Variants in PCDHA3 observed in about 807,000 individuals in gnomAD.
PCDHA3 encodes protocadherin alpha-3.
A neutral mutation model predicts 62.2 loss-of-function variants in PCDHA3; 41 were observed. The observed-to-expected ratio is 0.66, with a 90% CI of 0.51 to 0.86. PCDHA3 has a LOEUF of 0.86. Ranked by LOEUF, PCDHA3 falls within the 40% of genes least tolerant of loss-of-function variation. PCDHA3 has a pLI of 0.00. For synonymous variants in PCDHA3, 640 were observed against 555.4 expected (o/e 1.15, Z -2.14); for missense variants, 1,304 against 1,241.2 (o/e 1.05, Z -0.76).
intron 1 of PCDHA3, among the ~76,000 whole-genome samples, chr5:140,961,220 G>T (rs2095597952): frequency 6.6e-6 from 1 of 152,032 alleles, no homozygotes; most frequent in Non-Finnish European, 1.5e-5. Flanking sequence ...GAAGAAACTG[G>T]GTCCCAAAAA....
At chr5:140,816,910 T>C (rs1766023355) in intron 1 of PCDHA3, 1 of 152,134 alleles carries the variant, frequency 6.6e-6, no homozygotes. Context: ...AGCCCTCAGT[T>C]ATAGATTCTG....
intron 1 of PCDHA3, chr5:140,843,314 G>A (rs2150357213): frequency 6.3e-7 from 1 of 1,596,084 alleles, no homozygotes; most frequent in South Asian, 1.1e-5. Flanking sequence ...CACGGCCACG[G>A]TTCTGGTGTC....
rs1207415477 is a variant in PCDHA3 at position 140,980,276 on chromosome 5, T to C, written c.2453+1269T>C. 1.3e-5 allele frequency among the ~76,000 whole-genome samples: 2 copies of C among 152,224 alleles called. 1 individual carries two copies. The highest frequency in any genetic ancestry group is 2.9e-5 in the Non-Finnish European group (2 of 68,040). On this transcript the variant is annotated intron_variant, in intron 2 of 3. Transcript: ENST00000522353. ...AAAGCATGGTTTACAGTACCAACTC[T>C]TGAAAAGTACCAAAGCTATGAGTTG... is the stretch of plus-strand genomic sequence containing the variant.
chr5:140,831,301 T>C (rs2150193400), intron 1 of PCDHA3: 1 of 152,322 alleles, frequency 6.6e-6, no homozygotes, highest in African/African-American at 2.4e-5. Context: ...TCTAAATCTA[T>C]TTCTTTGTAT....
At chr5:140,821,662 C>A in intron 1 of PCDHA3, 2 of 1,220,782 alleles carry the variant, frequency 1.6e-6, no homozygotes, top group Non-Finnish European at 2.3e-6. Context: ...TTGGCTGTGC[C>A]AAGAAGCTCA....
chr5:140,968,768 C>T, intron 1 of PCDHA3: 1 of 1,614,174 alleles, frequency 6.2e-7, no homozygotes, highest in South Asian at 1.1e-5. Flanking sequence ...TAATGGAGAG[C>T]CATCACTATC....
At chr5:140,938,536 G>T (rs1443736475) in intron 1 of PCDHA3, among the ~76,000 whole-genome samples, 2 of 140,060 alleles carry the variant, frequency 1.4e-5, no homozygotes, top group Non-Finnish European at 3.2e-5. Context: ...TGGATAATAT[G>T]GATTTTTATC....
At chr5:140,992,708 C>T (rs2097525816) in intron 3 of PCDHA3, among the ~76,000 whole-genome samples, 1 of 152,100 alleles carries the variant, frequency 6.6e-6, no homozygotes, top group African/African-American at 2.4e-5. Context: ...ATGTTCCTGC[C>T]AGTATTCGTA....
Position 140,801,770 on chromosome 5 carries a change from C to T in PCDHA3, c.573C>T (p.Ser191=), listed in dbSNP as rs1554121681. 2 of 1,613,886 alleles carry T rather than the reference C, an allele frequency of 1.2e-6. No homozygotes were observed. Among genetic ancestry groups the T allele is most frequent in the Admixed American group, 1.7e-5 (1 of 59,984 alleles). The change falls in exon 1 of 4, where the codon TCC becomes TCT. Residue 191 remains serine (S), a synonymous_variant. Coordinates refer to ENST00000522353, the MANE Select transcript of PCDHA3 (RefSeq NM_018906.3). ...AAAGAAATGATGAGGAAATTAAATC[C>T]CTTGGACTCGTGTTGAAAAAAAATT... ...DVKRNDEEIK[S]LGLVLKKNLN...
chr5:140,895,044 C>T (rs964599264), intron 1 of PCDHA3, among the ~76,000 whole-genome samples: 24 of 152,112 alleles, frequency 1.6e-4, no homozygotes, highest in Non-Finnish European at 2.2e-4. Flanking sequence ...CCACCCACAC[C>T]ATTCTGCTTC....
intron 1 of PCDHA3, among the ~76,000 whole-genome samples, chr5:140,919,033 G>T (rs149900813): frequency 6.6e-6 from 1 of 152,282 alleles, no homozygotes; most frequent in African/African-American, 2.4e-5. Flanking sequence ...CTGCCTAGTT[G>T]TTGTCCATTA....
At chr5:140,823,670 C>G (rs1434393757) in intron 1 of PCDHA3, 4 of 1,614,038 alleles carry the variant, frequency 2.5e-6, no homozygotes, top group Non-Finnish European at 3.4e-6. Flanking sequence ...GAGATCAGCA[C>G]AACACGCTCT....
At chr5:140,812,188 A>T (rs1284856498) in intron 1 of PCDHA3, 17 of 132,336 alleles carry the variant, frequency 1.3e-4, no homozygotes, top group African/African-American at 5.1e-4. Flanking sequence ...TACTGATTCA[A>T]TCTCCTTACT....
At chr5:140,965,639 C>G (rs781995485) in intron 1 of PCDHA3, among the ~76,000 whole-genome samples, 1 of 152,000 alleles carries the variant, frequency 6.6e-6, no homozygotes, top group Non-Finnish European at 1.5e-5. Flanking sequence ...TTTTAAATTA[C>G]TCTTGAAAGA....
intron 1 of PCDHA3, chr5:140,869,704 G>A (rs1271953937): frequency 2.5e-6 from 4 of 1,613,400 alleles, no homozygotes; most frequent in Admixed American, 3.3e-5. Flanking sequence ...GAAGTCTCTG[G>A]ATAGAGAGAA....
In PCDHA3 at chr5:140,985,229, G is replaced by T. The variant is rs903728570; in HGVS notation, c.2542+2666G>T. ...TGGGATTACAGGCGTGAGCCACCGC[G>T]CCTGGCCTAATCTTCTTACTCTTTT... On this transcript the variant is annotated intron_variant, in intron 3 of 3. Transcript: ENST00000522353. 3.9e-5 allele frequency among the ~76,000 whole-genome samples: 6 copies of T among 152,216 alleles called. No homozygotes were observed. The South Asian group carries it at 6.2e-4, about 16-fold the overall frequency.
intron 1 of PCDHA3, among the ~76,000 whole-genome samples, chr5:140,918,875 T>G (rs1283138930): frequency 2.0e-5 from 3 of 152,188 alleles, no homozygotes; most frequent in African/African-American, 7.2e-5. Context: ...CTTTCAAGCC[T>G]CTAGAACAGT....
At chr5:140,817,223 C>T (rs1352619952) in intron 1 of PCDHA3, 2 of 152,296 alleles carry the variant, frequency 1.3e-5, no homozygotes, top group African/African-American at 2.4e-5. Context: ...TTCTCTTTCC[C>T]TTCTCAGGGA....
chr5:140,996,217 T>C (rs2097717491), intron 3 of PCDHA3, among the ~76,000 whole-genome samples: 1 of 152,192 alleles, frequency 6.6e-6, no homozygotes, highest in South Asian at 2.1e-4. Context: ...TCACTACTTG[T>C]CTAGAAATGG....
Sources: allele counts gnomAD v4.1 joint callset (sites outside exome capture counted in the v4.1 genomes callset), GRCh38; gene constraint gnomAD v4.1.1; transcripts MANE v1.5; gene names NCBI Gene and HGNC (gene_info 2026-07-23, HGNC 2026-07-21).